The following LMF1 variants were observed in gnomAD, a reference collection of about 807,000 sequenced individuals.
LMF1 encodes the protein transmembrane protein 112.
Under a neutral mutation model 60.6 loss-of-function variants are expected in LMF1, and 68 were observed. That is an observed-to-expected ratio of 1.12 (90% confidence interval 0.92 to 1.37). The LOEUF (loss-of-function observed/expected upper bound fraction) is 1.37. Ranked by LOEUF, LMF1 falls within the 40% of genes most tolerant of loss-of-function variation. The probability of loss-of-function intolerance (pLI) is 0.00; values close to 1 mark genes in which losing one functional copy is unlikely to be tolerated. For synonymous variants in LMF1, 418 were observed against 324.7 expected (o/e 1.29, Z -3.09); for missense variants, 948 against 767.2 (o/e 1.24, Z -2.78).
At chr16:857,102 T>G (rs1032644515) in intron 10 of LMF1, among the ~76,000 whole-genome samples, 3 of 152,272 alleles carry the variant, frequency 2.0e-5, no homozygotes, top group Admixed American at 2.0e-4. Flanking sequence ...GGAGGCTTCC[T>G]TCCTCCTCGT....
At position 962,608 on chromosome 16, in the gene LMF1, A is replaced by C. The variant is rs1246877443; in HGVS notation, c.194-7942T>G. Among the ~76,000 whole-genome samples, 4 of 152,130 alleles carry C rather than the reference A, an allele frequency of 2.6e-5. No individual in the cohort carries two copies. Among genetic ancestry groups the C allele is most frequent in the African/African-American group, 4.8e-5 (2 of 41,430 alleles). On this transcript the variant is annotated intron_variant, in intron 1 of 10. Transcript: ENST00000262301. This position sits in a 1 kb window ranked among gnomAD's most constrained non-coding sequence, Gnocchi z 4.5. ...CATCACCCAGTCTAATTGCGAGGAA[A>C]CACCAGACGGACCCAACGTGAGGGA...
intron 3 of LMF1, among the ~76,000 whole-genome samples, chr16:914,091 G>A (rs556249766): frequency 2.0e-5 from 3 of 152,046 alleles, no homozygotes; most frequent in Non-Finnish European, 4.4e-5. Context: ...CTACACGCAC[G>A]GTCTTCTGAG....
At chr16:927,899 C>G (rs113121522) in intron 3 of LMF1, among the ~76,000 whole-genome samples, 192 of 152,338 alleles carry the variant, frequency 1.3e-3, no homozygotes, top group African/African-American at 4.3e-3. Flanking sequence ...TCTGGGGCCC[C>G]GCACACGCAC....
chr16:880,655 C>T (rs890276398), intron 5 of LMF1, among the ~76,000 whole-genome samples: 1 of 152,238 alleles, frequency 6.6e-6, no homozygotes, highest in Non-Finnish European at 1.5e-5. Flanking sequence ...GGCAACAGAA[C>T]AAGACCTTGT....
chr16:957,264 G>A (rs2072726710), intron 1 of LMF1, among the ~76,000 whole-genome samples: 1 of 152,220 alleles, frequency 6.6e-6, no homozygotes. Context: ...CCTACTGCGT[G>A]TAGGAATCTG....
At chr16:884,364 A>T (rs1596900697) in intron 5 of LMF1, among the ~76,000 whole-genome samples, 1 of 152,386 alleles carries the variant, frequency 6.6e-6, no homozygotes, top group African/African-American at 2.4e-5. Flanking sequence ...GTACATAAGG[A>T]GTTGTCACAG....
chr16:893,746 C>T (rs886328381), intron 4 of LMF1, among the ~76,000 whole-genome samples: 1 of 152,084 alleles, frequency 6.6e-6, no homozygotes, highest in South Asian at 2.1e-4. Flanking sequence ...CCACACCCGT[C>T]TGCTTTCCCT....
chr16:936,751 AG>A (rs1357932442), intron 2 of LMF1, among the ~76,000 whole-genome samples: 2 of 152,240 alleles, frequency 1.3e-5, no homozygotes, highest in Admixed American at 1.3e-4. Flanking sequence ...ATATAACCTT[AG>A]TTGAACGGAG....
chr16:859,997 T>G (rs1188950186), intron 10 of LMF1, among the ~76,000 whole-genome samples: 2 of 149,146 alleles, frequency 1.3e-5, no homozygotes. Context: ...TTATGGTGGT[T>G]TTTGCTTCTC....
chr16:933,794 T>C (rs1024674247), intron 3 of LMF1: 7 of 423,080 alleles, frequency 1.7e-5, no homozygotes, highest in South Asian at 4.1e-5. Context: ...CCCTCCAGTA[T>C]TGACTGCGTT....
intron 1 of LMF1, among the ~76,000 whole-genome samples, chr16:955,251 TACACACAC>T (rs373602941): frequency 2.2e-5 from 1 of 44,642 alleles, no homozygotes; most frequent in Non-Finnish European, 3.9e-5. Context: ...GGTGTGTGCA[TACACACAC>T]ACACATCTAA....
At chr16:937,664 C>G (rs763995209) in intron 2 of LMF1, among the ~76,000 whole-genome samples, 26 of 152,224 alleles carry the variant, frequency 1.7e-4, no homozygotes, top group Non-Finnish European at 3.4e-4. Flanking sequence ...GCTCCCATTT[C>G]TATAGGAAGC....
intron 6 of LMF1, among the ~76,000 whole-genome samples, chr16:876,152 C>T (rs190688954): frequency 2.0e-5 from 3 of 152,370 alleles, no homozygotes; most frequent in East Asian, 1.9e-4. Context: ...AGAAACAAAC[C>T]GGGGCACGTG....
At chr16:919,424 CCTT>C (rs982813150) in intron 3 of LMF1, among the ~76,000 whole-genome samples, 6 of 152,076 alleles carry the variant, frequency 3.9e-5, no homozygotes, top group Non-Finnish European at 7.4e-5. Context: ...TCCTGCCCCA[CCTT>C]CATCACTGCT....
chr16:945,805 C>G (rs1597047608), intron 2 of LMF1, among the ~76,000 whole-genome samples: 1 of 152,136 alleles, frequency 6.6e-6, no homozygotes, highest in African/African-American at 2.4e-5. Context: ...ATCCACTCAC[C>G]TCTAGGAAAT....
upstream of LMF1, chr16:975,620 G>A (rs1244593655): frequency 2.7e-6 from 1 of 366,890 alleles, no homozygotes; most frequent in Non-Finnish European, 5.3e-6. Context: ...GCAAAGCTTT[G>A]CTGAAGGCTG....
chr16:954,024 C>G lies in LMF1; in HGVS notation c.503+333G>C, dbSNP rs765351025. 9.0e-4 allele frequency among the ~76,000 whole-genome samples: 101 copies of G among 111,644 alleles called. 12 individuals are homozygous for G. Among genetic ancestry groups the G allele is most frequent in the Middle Eastern group, 5.0e-3 (1 of 200 alleles). 73.2% of individuals were successfully genotyped at this position (111,644 alleles called of 152,430 possible). ...CCTCCTACACGTCCACACAGACACC[C>G]ACCCCAAACCAGCCTCCTACACGTC... On this transcript the variant is annotated intron_variant, in intron 2 of 10. Transcript: ENST00000262301.
intron 2 of LMF1, among the ~76,000 whole-genome samples, chr16:945,898 G>A (rs1331013323): frequency 6.6e-6 from 1 of 152,190 alleles, no homozygotes; most frequent in Non-Finnish European, 1.5e-5. Flanking sequence ...GTCCCCGCAG[G>A]ACCAGAAAAG....
chr16:924,631 T>TAGGGC (rs543021108), intron 3 of LMF1, among the ~76,000 whole-genome samples: 1,546 of 152,210 alleles, frequency 0.01, 18 homozygotes, highest in Middle Eastern at 0.017. Flanking sequence ...GATGACAGGG[T>TAGGGC]AGGGCAGGGA....
Sources: gnomAD v4.1 joint callset for allele counts (sites outside exome capture counted in the v4.1 genomes callset) on GRCh38, gnomAD v4.1.1 for gene constraint, Gnocchi (gnomAD v3.1) non-coding constraint, MANE v1.5 for transcripts, NCBI Gene and HGNC (gene_info 2026-07-23, HGNC 2026-07-21) for gene names.